Variants in CPNE3 observed in about 807,000 individuals in gnomAD.
CPNE3 encodes copine-3.
Under a neutral mutation model 63.9 loss-of-function variants are expected in CPNE3, and 68 were observed. The observed-to-expected ratio is 1.06, with a 90% CI of 0.87 to 1.30. CPNE3 has a LOEUF of 1.30. Ranked by LOEUF, CPNE3 falls within the 50% of genes most tolerant of loss-of-function variation. The pLI is 0.00. For synonymous variants in CPNE3, 219 were observed against 197.5 expected, an observed-to-expected ratio of 1.11 and a Z score of -0.91; for missense variants, 665 against 578.1, an observed-to-expected ratio of 1.15 and a Z score of -1.54.
intron 15 of CPNE3, 150 bp downstream of exon 15, chr8:86,555,134 T>C: frequency 8.9e-7 from 1 of 1,123,478 alleles, no homozygotes; most frequent in South Asian, 1.8e-5. Context: ...CTTTTGTTGT[T>C]GTTATACTAG....
intron 1 of CPNE3, 164 bp from the exon 2 acceptor site, chr8:86,515,298 G>A (rs1364346351): frequency 2.0e-5 from 3 of 152,144 alleles, no homozygotes; most frequent in Non-Finnish European, 2.9e-5. Context: ...GTCTTTGTGA[G>A]GCCACCTCTA....
Position 86,527,608 on chromosome 8 carries a change from C to G in CPNE3, c.-10-928C>G, listed in dbSNP as rs1359742775. ...AAGGAACTGATGTCAGGGTTGTACC[C>G]TAAACCAGTTAAAATCTCTTTAAGT... On this transcript the variant is annotated intron_variant, in intron 2 of 16. Transcript: ENST00000517490. 7.2e-5 allele frequency among the ~76,000 whole-genome samples: 11 copies of G among 152,254 alleles called. No homozygotes were observed. The East Asian group carries it at 1.9e-3, about 27-fold the overall frequency.
rs115618377 is a variant in CPNE3, at chr8:86,544,964, G to A, written c.732+126G>A. 764 of 444,510 alleles carry A rather than the reference G, an allele frequency of 1.7e-3. 3 individuals carry two copies. The highest frequency in any genetic ancestry group is 0.011 in the African/African-American group (536 of 49,404). 27.5% of individuals were successfully genotyped at this position (444,510 alleles called of 1,614,324 possible). A position where few individuals can be genotyped will look rare whatever the true frequency, so the allele number is the denominator to read the frequency against. On this transcript the variant is annotated intron_variant, in intron 9 of 16. Coordinates refer to ENST00000517490, the MANE Select transcript of CPNE3 (RefSeq NM_003909.5). Reference sequence around the variant, plus strand: ...TTTAGTCTATATTGCATAATGCTCCGAAATGTTTAGTAATCACATAATCCA... The same window carrying A: ...TTTAGTCTATATTGCATAATGCTCCAAAATGTTTAGTAATCACATAATCCA...
rs1438725868 is a variant in CPNE3, at chr8:86,514,537, C to G, written c.-53C>G. ...TCGCTCGACTTCCACCTCTAAGACTCCCACGTGAGTGCGGGCGTCTCCCAG... is the reference window on the plus strand; with the variant it reads ...TCGCTCGACTTCCACCTCTAAGACTGCCACGTGAGTGCGGGCGTCTCCCAG... On this transcript the variant is annotated 5_prime_UTR_variant, in exon 1 of 17. Coordinates refer to ENST00000517490, the MANE Select transcript of CPNE3 (RefSeq NM_003909.5). 1 of 152,330 alleles carries G rather than the reference C, an allele frequency of 6.6e-6. No homozygotes were observed. Among genetic ancestry groups the G allele is most frequent in the Non-Finnish European group, 1.5e-5 (1 of 68,152 alleles). 9.4% of individuals were successfully genotyped at this position (152,330 alleles called of 1,614,324 possible).
At chr8:86,514,670 G>C (rs1054003578) in intron 1 of CPNE3, 129 bp downstream of exon 1, 9 of 152,176 alleles carry the variant, frequency 5.9e-5, no homozygotes, top group African/African-American at 2.2e-4. Context: ...AGGTCCCGCC[G>C]GGCCCTGCTG....
chr8:86,548,485 A>G (rs776118042), intron 12 of CPNE3, 51 bp downstream of exon 12: 1 of 1,610,202 alleles, frequency 6.2e-7, no homozygotes, highest in Non-Finnish European at 8.5e-7. Flanking sequence ...AATTCCCCAG[A>G]AAGGGTAGTT....
chr8:86,520,991 C>G (rs1363494561), intron 2 of CPNE3, among the ~76,000 whole-genome samples: 1 of 151,976 alleles, frequency 6.6e-6, no homozygotes, highest in Non-Finnish European at 1.5e-5. Context: ...ACATTATTCC[C>G]TATCTTCATT....
chr8:86,534,359 T>C (rs901047397), intron 6 of CPNE3, among the ~76,000 whole-genome samples: 73 of 152,066 alleles, frequency 4.8e-4, no homozygotes, highest in African/African-American at 1.8e-3. Flanking sequence ...CTGGTTTTAT[T>C]ATTAAGAGTC....
chr8:86,529,955 A>C (rs573203614), intron 4 of CPNE3, among the ~76,000 whole-genome samples: 313 of 152,260 alleles, frequency 2.1e-3, no homozygotes, highest in African/African-American at 7.2e-3. Context: ...AACTTTGATA[A>C]ATAATATCAA....
intron 15 of CPNE3, 147 bp from the exon 16 acceptor site, chr8:86,555,955 G>A: frequency 1.5e-6 from 1 of 668,336 alleles, no homozygotes; most frequent in Admixed American, 2.3e-5. Flanking sequence ...CTTGTCATCA[G>A]AGAAGCTTAG....
At position 86,558,319 on chromosome 8, in the gene CPNE3, T is replaced by G. The variant is rs1335808771; in HGVS notation, c.1523T>G (p.Leu508Trp). ...AAAGAAGCACTTGCTCAGTGTGTCTTGGCAGAGATTCCCCAGCAGGTGGTG... is the reference window on the plus strand; with the variant it reads ...AAAGAAGCACTTGCTCAGTGTGTCTGGGCAGAGATTCCCCAGCAGGTGGTG... ...APKEALAQCV[L>W]AEIPQQVVGY... The change falls in exon 17 of 17, where the codon TTG (leucine) becomes TGG (tryptophan). Residue 508 changes from leucine (L) to tryptophan (W), a missense_variant. Physicochemically the swap from Leu to Trp is moderately conservative, Grantham distance 61 (BLOSUM62 -2). Transcript: ENST00000517490. 1.1e-6 allele frequency: 1 copy of G among 873,010 alleles called. No individual in the cohort carries two copies. The highest frequency in any genetic ancestry group is 1.3e-5 in the South Asian group (1 of 76,546). The allele number at this position is 873,010 out of a possible 1,614,324, so 54.1% of individuals were successfully genotyped here.
In CPNE3 at chr8:86,560,722, A is replaced by G. The variant is rs2131515893; in HGVS notation, c.*2312A>G. ...TACAGTTTTGAATAAAAGCATTTACAATTTCTAAATTATCAGTTTTCACAG... is the reference window on the plus strand; with the variant it reads ...TACAGTTTTGAATAAAAGCATTTACGATTTCTAAATTATCAGTTTTCACAG... On this transcript the variant is annotated 3_prime_UTR_variant, in exon 17 of 17. Coordinates refer to ENST00000517490, the MANE Select transcript of CPNE3 (RefSeq NM_003909.5). 6.6e-6 allele frequency: 1 copy of G among 152,356 alleles called. No homozygotes were observed. Among genetic ancestry groups the G allele is most frequent in the South Asian group, 2.1e-4 (1 of 4,828 alleles). The allele number at this position is 152,356 out of a possible 1,614,324, so 9.4% of individuals were successfully genotyped here.
At chr8:86,546,548 C>G (rs372303553) in intron 9 of CPNE3, 47 bp from the exon 10 acceptor site, 3 of 1,578,072 alleles carry the variant, frequency 1.9e-6, no homozygotes, top group Non-Finnish European at 2.6e-6. Context: ...ATTGGCATTT[C>G]TAATATTGCT....
At chr8:86,544,670 T>C (rs1821009153) in intron 8 of CPNE3, 70 bp from the exon 9 acceptor site, 2 of 735,018 alleles carry the variant, frequency 2.7e-6, no homozygotes, top group Non-Finnish European at 3.8e-6. Context: ...ATAGGTTATA[T>C]TTATTGCAGC....
Position 86,546,636 on chromosome 8 carries a change from A to G in CPNE3, c.774A>G (p.Lys258=). 2 of 1,613,870 alleles carry G rather than the reference A, an allele frequency of 1.2e-6. No homozygotes were observed. The highest frequency in any genetic ancestry group is 1.7e-6 in the Non-Finnish European group (2 of 1,179,950). The change falls in exon 10 of 17, where the codon AAA becomes AAG. Residue 258 remains lysine, a synonymous_variant. Transcript: ENST00000517490. ...ECINEKKRQK[K]KSYKNSGVIS... is the part of the protein sequence containing the mutation. Reference sequence around the variant, plus strand: ...TAAATGAGAAAAAAAGGCAAAAGAAAAAAAGCTACAAGAATTCAGGTGTTA... The same window carrying G: ...TAAATGAGAAAAAAAGGCAAAAGAAGAAAAGCTACAAGAATTCAGGTGTTA...
At chr8:86,522,661 G>T (rs148685784) in intron 2 of CPNE3, among the ~76,000 whole-genome samples, 1 of 150,230 alleles carries the variant, frequency 6.7e-6, no homozygotes, top group African/African-American at 2.5e-5. Context: ...TTGCTGGGCC[G>T]GTTCCAGCTG....
intron 2 of CPNE3, among the ~76,000 whole-genome samples, chr8:86,526,831 T>G (rs1820551852): frequency 6.6e-6 from 1 of 152,086 alleles, no homozygotes; most frequent in African/African-American, 2.4e-5. Flanking sequence ...TTTAAACGGG[T>G]TTTCTAGCTA....
In CPNE3 at chr8:86,544,774, A is replaced by C. The variant is rs1433701226; in HGVS notation, c.668A>C (p.His223Pro). The change falls in exon 9 of 17, where the codon CAT becomes CCT. Residue 223 changes from histidine to proline, a missense_variant. His to Pro is a moderately conservative substitution (Grantham distance 77). Coordinates refer to ENST00000517490, the MANE Select transcript of CPNE3 (RefSeq NM_003909.5). ...TATGATTATGACAATGATGGGTCACATGATCTCATTGGAACATTTCAGACC... is the reference window on the plus strand; with the variant it reads ...TATGATTATGACAATGATGGGTCACCTGATCTCATTGGAACATTTCAGACC... ...ECYDYDNDGS[H>P]DLIGTFQTTM... 2 of 1,576,510 alleles carry C rather than the reference A, an allele frequency of 1.3e-6. No individual in the cohort carries two copies. Among genetic ancestry groups the C allele is most frequent in the East Asian group, 2.3e-5 (1 of 42,638 alleles).
intron 2 of CPNE3, among the ~76,000 whole-genome samples, chr8:86,517,173 AGCTTAGCAGTAT>A (rs1312917248): frequency 6.6e-6 from 1 of 152,322 alleles, no homozygotes; most frequent in East Asian, 1.9e-4. Context: ...TTAATATAAC[AGCTTAGCAGTAT>A]GCAATCATAA....
Sources: allele counts gnomAD v4.1 joint callset (sites outside exome capture counted in the v4.1 genomes callset), GRCh38; gene constraint gnomAD v4.1.1; transcripts MANE v1.5; gene names NCBI Gene and HGNC (gene_info 2026-07-23, HGNC 2026-07-21).